SPAG16: variants seen among roughly 807,000 people sequenced by gnomAD.
SPAG16 encodes the protein sperm-associated antigen 16 protein.
Under a neutral mutation model 80.4 loss-of-function variants are expected in SPAG16, and 86 were observed. That is an observed-to-expected ratio of 1.07 (90% CI 0.90 to 1.28). The LOEUF (loss-of-function observed/expected upper bound fraction) is 1.28. Ranked by LOEUF, SPAG16 falls within the 50% of genes most tolerant of loss-of-function variation. The pLI, the probability that SPAG16 is intolerant of heterozygous loss-of-function variation, is 0.00. For missense variants in SPAG16, 870 were observed against 765.3 expected (o/e 1.14, Z -1.61); for synonymous variants, 294 against 265.9 (o/e 1.11, Z -1.03).
chr2:214,161,647 G>A (rs1013860222), intron 15 of SPAG16, among the ~76,000 whole-genome samples: 2 of 151,892 alleles, frequency 1.3e-5, no homozygotes, highest in Non-Finnish European at 2.9e-5. Context: ...GACACAGGGA[G>A]GGGAATAACA....
chr2:213,712,457 C>T (rs1390245399), intron 10 of SPAG16, among the ~76,000 whole-genome samples: 1 of 152,064 alleles, frequency 6.6e-6, no homozygotes, highest in Admixed American at 6.6e-5. Context: ...CAGGAAATAC[C>T]ACTGCACTTC....
At chr2:213,816,236 C>T (rs1290440060) in intron 10 of SPAG16, among the ~76,000 whole-genome samples, 1 of 152,154 alleles carries the variant, frequency 6.6e-6, no homozygotes, top group Admixed American at 6.5e-5. Context: ...CATATCATTA[C>T]ATGCCGTTGT....
chr2:213,595,878 C>A lies in SPAG16; in HGVS notation c.1070+105788C>A, dbSNP rs551701951. ...AGAGTATTTATTCTGCAAGTTATTG[C>A]ATTCATTATCCAACAGTATATTAAA... is the stretch of plus-strand genomic sequence containing the variant. On this transcript the variant is annotated intron_variant, in intron 10 of 15. Transcript: ENST00000331683. 3.3e-5 allele frequency among the ~76,000 whole-genome samples: 5 copies of A among 152,076 alleles called. No individual in the cohort carries two copies. In the East Asian group the frequency reaches 9.6e-4, roughly 29 times the overall value.
At chr2:213,661,337 G>T (rs905728947) in intron 10 of SPAG16, among the ~76,000 whole-genome samples, 1 of 152,056 alleles carries the variant, frequency 6.6e-6, no homozygotes, top group African/African-American at 2.4e-5. Context: ...TAGAATTTTT[G>T]TTTCAGATTG....
chr2:213,928,345 A>G (rs1401009303), intron 11 of SPAG16, among the ~76,000 whole-genome samples: 1 of 148,792 alleles, frequency 6.7e-6, no homozygotes, highest in Non-Finnish European at 1.5e-5. Flanking sequence ...GCCCCCCTCG[A>G]CCTCCCAAAG....
At chr2:213,846,101 TAAAAC>T (rs1365613473) in intron 10 of SPAG16, among the ~76,000 whole-genome samples, 2 of 152,208 alleles carry the variant, frequency 1.3e-5, no homozygotes, top group African/African-American at 4.8e-5. Context: ...TTTTATAACT[TAAAAC>T]ATACCAACAA....
chr2:214,195,324 G>GATAA (rs1234788321), intron 15 of SPAG16, among the ~76,000 whole-genome samples: 1 of 151,820 alleles, frequency 6.6e-6, no homozygotes, highest in Non-Finnish European at 1.5e-5. Flanking sequence ...TAGATAGATA[G>GATAA]ATAGATAGAT....
chr2:213,492,536 C>T (rs145599606), intron 10 of SPAG16, among the ~76,000 whole-genome samples: 144 of 151,828 alleles, frequency 9.5e-4, no homozygotes, highest in African/African-American at 2.9e-3. Flanking sequence ...GGCGACAGAG[C>T]GAGACTCTGT....
At chr2:214,238,510 G>C (rs746837380) in intron 15 of SPAG16, 1 of 153,160 alleles carries the variant, frequency 6.5e-6, no homozygotes, top group Non-Finnish European at 1.4e-5. Context: ...TTCAATAGTA[G>C]TGCCAAGTTC....
At chr2:213,538,652 CT>C (rs1370388255) in intron 10 of SPAG16, among the ~76,000 whole-genome samples, 1 of 152,016 alleles carries the variant, frequency 6.6e-6, no homozygotes, top group East Asian at 1.9e-4. Context: ...TATTTTCTCC[CT>C]ATCTTATCTT....
chr2:214,191,321 C>T (rs1471453996), intron 15 of SPAG16, among the ~76,000 whole-genome samples: 1 of 152,050 alleles, frequency 6.6e-6, no homozygotes, highest in African/African-American at 2.4e-5. Context: ...TTCAAATTGC[C>T]CCTTCGTTGG....
chr2:214,347,392 G>A (rs1698125626), intron 15 of SPAG16, among the ~76,000 whole-genome samples: 1 of 151,882 alleles, frequency 6.6e-6, no homozygotes, highest in South Asian at 2.1e-4. Context: ...AAGGCTCAAG[G>A]TAGTCTTATA....
At chr2:213,669,603 A>C (rs1019848477) in intron 10 of SPAG16, among the ~76,000 whole-genome samples, 1 of 152,232 alleles carries the variant, frequency 6.6e-6, no homozygotes, top group Non-Finnish European at 1.5e-5. Context: ...ACACCTTGAA[A>C]ATCTTTATAT....
chr2:213,621,369 A>G (rs889307451), intron 10 of SPAG16, among the ~76,000 whole-genome samples: 2 of 152,208 alleles, frequency 1.3e-5, no homozygotes, highest in Admixed American at 6.5e-5. Flanking sequence ...TTTAAACAAT[A>G]CACATCACAA....
rs191033299 is a variant in SPAG16 at position 213,466,055 on chromosome 2, T to C, written c.943-23908T>C. On this transcript the variant is annotated intron_variant, in intron 9 of 15. Transcript: ENST00000331683. ...GAAGAATGGAAAAGACTGACTGGCT[T>C]AGTCTCACAGCCTAAATCTTTCTCC... Among the ~76,000 whole-genome samples, 27 of 152,284 alleles carry C rather than the reference T, an allele frequency of 1.8e-4. No individual in the cohort carries two copies. The East Asian group carries it at 5.0e-3, about 28-fold the overall frequency.
At chr2:214,211,968 T>G (rs1057030727) in intron 15 of SPAG16, among the ~76,000 whole-genome samples, 1 of 152,180 alleles carries the variant, frequency 6.6e-6, no homozygotes, top group African/African-American at 2.4e-5. Flanking sequence ...CGGGCTACTG[T>G]GACACTTGGT....
intron 10 of SPAG16, among the ~76,000 whole-genome samples, chr2:213,664,209 G>T (rs765938338): frequency 5.7e-4 from 86 of 151,968 alleles, no homozygotes; most frequent in Non-Finnish European, 8.1e-4. Context: ...GGAGCCTTAT[G>T]ATTACATTGG....
rs2079592852 is a variant in SPAG16, at chr2:213,949,109, A to C, written c.1400+18964A>C. ...GCAATAGGATTGTTCATATTGAATG[A>C]AAATAATGTCTACAGTTATTTATCA... On this transcript the variant is annotated intron_variant, in intron 12 of 15. Coordinates refer to ENST00000331683, the MANE Select transcript of SPAG16 (RefSeq NM_024532.5). 2.0e-5 allele frequency among the ~76,000 whole-genome samples: 3 copies of C among 151,532 alleles called. No homozygotes were observed. The South Asian group carries it at 6.2e-4, about 32-fold the overall frequency.
At chr2:213,445,898 C>CA (rs1559140385) in intron 9 of SPAG16, among the ~76,000 whole-genome samples, 1 of 152,238 alleles carries the variant, frequency 6.6e-6, no homozygotes, top group East Asian at 1.9e-4. Context: ...AGAGGTTCCT[C>CA]AAAAAACCCT....
Sources: allele counts gnomAD v4.1 joint callset (sites outside exome capture counted in the v4.1 genomes callset), GRCh38; gene constraint gnomAD v4.1.1; transcripts MANE v1.5; gene names NCBI Gene and HGNC (gene_info 2026-07-23, HGNC 2026-07-21).